FGD6: variants seen among roughly 807,000 people sequenced by gnomAD.
FGD6 encodes the protein FYVE, RhoGEF and PH domain-containing protein 6.
A neutral mutation model predicts 149.4 loss-of-function variants in FGD6; 90 were observed. That is an observed-to-expected ratio of 0.60 (90% CI 0.51 to 0.72). The LOEUF (loss-of-function observed/expected upper bound fraction) is 0.72, where lower values mean the gene tolerates loss of function less well. Among genes scored for constraint, FGD6 ranks in the 30% least tolerant of loss-of-function variants. The pLI is 0.00. For missense variants in FGD6, 1,437 were observed against 1,684.8 expected (o/e 0.85, Z 2.57); for synonymous variants, 527 against 584.0 (o/e 0.90, Z 1.41).
rs60711285 is a variant in FGD6 at position 95,193,546 on chromosome 12, T to TC, written c.2441+15296_2441+15297insG. On this transcript the variant is annotated intron_variant, in intron 2 of 20. Coordinates refer to ENST00000343958, the MANE Select transcript of FGD6 (RefSeq NM_018351.4). ...TTAATTCTTGTTTTTTTTTTTTTTT[T>TC]GAGACGGTGTCTCACTCTGTTGCCC... is the stretch of plus-strand genomic sequence containing the variant. Among the ~76,000 whole-genome samples, 7 of 150,122 alleles carry TC rather than the reference T, an allele frequency of 4.7e-5. No individual in the cohort carries two copies. In the South Asian group the frequency reaches 1.5e-3, roughly 32 times the overall value.
At chr12:95,121,107 AAAAAT>A (rs1301338312) in intron 8 of FGD6, among the ~76,000 whole-genome samples, 2 of 152,138 alleles carry the variant, frequency 1.3e-5, no homozygotes. Context: ...ATGTGCCTCA[AAAAAT>A]AAAATAAATA....
chr12:95,210,751 A>G lies in FGD6; in HGVS notation c.533T>C (p.Val178Ala). 1 of 1,613,992 alleles carries G rather than the reference A, an allele frequency of 6.2e-7. No homozygotes were observed. The highest frequency in any genetic ancestry group is 8.5e-7 in the Non-Finnish European group (1 of 1,180,012). The change falls in exon 2 of 21, where the codon GTT becomes GCT. Residue 178 changes from valine (V) to alanine (A), a missense_variant. By Grantham distance (64) the Val-to-Ala change is moderately conservative. Around this residue, in one of 2 missense-constraint regions of FGD6, gnomAD observed 1,055 missense variants for 1,146.0 expected, o/e 0.92. Coordinates refer to ENST00000343958, the MANE Select transcript of FGD6 (RefSeq NM_018351.4). ...GGCATCTTTGAGCTCCTCTTCTAAAACGCTTGCCTTTAAAACAACCCCACC... is the reference window on the plus strand; with the variant it reads ...GGCATCTTTGAGCTCCTCTTCTAAAGCGCTTGCCTTTAAAACAACCCCACC... ...NQGGVVLKAS[V>A]LEEELKDALI...
chr12:95,165,647 T>C (rs1305869496), intron 3 of FGD6, among the ~76,000 whole-genome samples: 1 of 151,480 alleles, frequency 6.6e-6, no homozygotes, highest in Non-Finnish European at 1.5e-5. Flanking sequence ...CAATTTTGTT[T>C]TTTCCTAAGT....
intron 14 of FGD6, chr12:95,100,839 G>T (rs780919516): frequency 5.1e-6 from 2 of 392,286 alleles, no homozygotes; most frequent in Non-Finnish European, 9.9e-6. Flanking sequence ...TTGCCGTCTT[G>T]TTGGGCATGC....
At chr12:95,082,886 C>A (rs888631316) in intron 20 of FGD6, among the ~76,000 whole-genome samples, 1 of 146,162 alleles carries the variant, frequency 6.8e-6, no homozygotes, top group Admixed American at 7.0e-5. Flanking sequence ...GTGGCTCACA[C>A]CTGTAATTCC....
rs757415670 is a variant in FGD6 at position 95,081,453 on chromosome 12, T to G, written c.*67A>C. ...TGTTCATTTTTATACAATTTTTGAATTGCATTTACTCCATTCTGATGAAAT... is the reference window on the plus strand; with the variant it reads ...TGTTCATTTTTATACAATTTTTGAAGTGCATTTACTCCATTCTGATGAAAT... On this transcript the variant is annotated 3_prime_UTR_variant, in exon 21 of 21. Transcript: ENST00000343958. 1.5e-6 allele frequency: 2 copies of G among 1,351,342 alleles called. No homozygotes were observed. Among genetic ancestry groups the G allele is most frequent in the Admixed American group, 4.2e-5 (2 of 48,180 alleles). 83.7% of individuals were successfully genotyped at this position (1,351,342 alleles called of 1,614,324 possible). A position where few individuals can be genotyped will look rare whatever the true frequency, so the allele number is the denominator to read the frequency against.
intron 2 of FGD6, among the ~76,000 whole-genome samples, chr12:95,180,012 A>AGGTT (rs1010434305): frequency 3.3e-5 from 5 of 150,680 alleles, no homozygotes; most frequent in African/African-American, 1.2e-4. Context: ...TGGGAGGCCA[A>AGGTT]GGTTGCGGTC....
rs181682362 is a variant in FGD6, at chr12:95,115,814, G to A, written c.3083-2113C>T. On this transcript the variant is annotated intron_variant, in intron 8 of 20. Coordinates refer to ENST00000343958, the MANE Select transcript of FGD6 (RefSeq NM_018351.4). ...CAAACATAACAGATGACACAAACAC[G>A]CGCCCAATTGCTGAAACTTCGTAAG... Among the ~76,000 whole-genome samples the A allele has an allele frequency of 3.3e-5, 5 of 152,258 alleles. No individual in the cohort carries two copies. In the East Asian group the frequency reaches 9.7e-4, roughly 29 times the overall value.
In FGD6 at chr12:95,209,418, T is replaced by C; in HGVS notation, c.1866A>G (p.Thr622=). ...EKCTKPCKDS[T]KKNSFKKLLS... ...GCAACTTTTTAAAAGAGTTTTTCTT[T>C]GTAGAGTCTTTGCAAGGCTTAGTGC... is the stretch of plus-strand genomic sequence containing the variant. Residue 622 remains threonine (T), a synonymous_variant, in exon 2 of 21, where the codon ACA becomes ACG. Transcript: ENST00000343958. 6.2e-7 allele frequency: 1 copy of C among 1,613,112 alleles called. No homozygotes were observed. Among genetic ancestry groups the C allele is most frequent in the Non-Finnish European group, 8.5e-7 (1 of 1,179,364 alleles).
intron 8 of FGD6, among the ~76,000 whole-genome samples, chr12:95,122,165 A>C (rs7308047): frequency 0.63 from 96,109 of 152,046 alleles, 30,629 homozygotes; most frequent in East Asian, 0.68. Context: ...CATTTTGACA[A>C]GTAACAATAA....
At chr12:95,163,706 G>A (rs1326054809) in intron 3 of FGD6, among the ~76,000 whole-genome samples, 2 of 152,126 alleles carry the variant, frequency 1.3e-5, no homozygotes, top group South Asian at 4.1e-4. Flanking sequence ...AGAGTAGGAG[G>A]TTGGACTAAA....
At chr12:95,185,745 C>T (rs767148458) in intron 2 of FGD6, among the ~76,000 whole-genome samples, 23 of 152,004 alleles carry the variant, frequency 1.5e-4, no homozygotes, top group Non-Finnish European at 3.2e-4. Flanking sequence ...CCTGTAATCC[C>T]GGCTACTCAG....
chr12:95,109,081 TGCCACATGGAA>T (rs1216866823), intron 9 of FGD6, among the ~76,000 whole-genome samples: 1 of 152,134 alleles, frequency 6.6e-6, no homozygotes, highest in Non-Finnish European at 1.5e-5. Flanking sequence ...ATGGGGGAAA[TGCCACATGGAA>T]GCATCCCAGA....
At chr12:95,152,032 T>C (rs1880323799) in intron 5 of FGD6, among the ~76,000 whole-genome samples, 1 of 152,002 alleles carries the variant, frequency 6.6e-6, no homozygotes, top group South Asian at 2.1e-4. Flanking sequence ...TCTGTTCAAG[T>C]TGACAATTAT....
At chr12:95,118,755 C>T (rs912079179) in intron 8 of FGD6, among the ~76,000 whole-genome samples, 1 of 152,270 alleles carries the variant, frequency 6.6e-6, no homozygotes, top group South Asian at 2.1e-4. Flanking sequence ...ATCAGCAACA[C>T]ATACAGAATT....
At chr12:95,205,735 A>C (rs562313860) in intron 2 of FGD6, among the ~76,000 whole-genome samples, 2 of 152,142 alleles carry the variant, frequency 1.3e-5, no homozygotes, top group African/African-American at 4.8e-5. Context: ...CCTCTATTCA[A>C]TGTTGTTTAC....
At chr12:95,085,213 CTTTT>C (rs34135341) in intron 19 of FGD6, among the ~76,000 whole-genome samples, 2 of 118,100 alleles carry the variant, frequency 1.7e-5, no homozygotes, top group Non-Finnish European at 3.5e-5. Flanking sequence ...ACAGCTCTGC[CTTTT>C]TTTTTTTTTT....
chr12:95,133,190 G>C (rs945628100), intron 8 of FGD6, among the ~76,000 whole-genome samples: 1 of 152,178 alleles, frequency 6.6e-6, no homozygotes, highest in Admixed American at 6.6e-5. Context: ...GGCCAAGGTC[G>C]GCAGATCACT....
In FGD6 at chr12:95,094,635, G is replaced by T; in HGVS notation, c.3557C>A (p.Ala1186Asp). The change falls in exon 15 of 21, where the codon GCC becomes GAC. Residue 1186 changes from alanine (A) to aspartate (D), a missense_variant. Ala to Asp is a moderately radical substitution (Grantham distance 126, BLOSUM62 -2). Coordinates refer to ENST00000343958, the MANE Select transcript of FGD6 (RefSeq NM_018351.4). ...EAISRAIEEY[A>D]KKRITFCPSR... ...AGGACAGAAGGTGATTCTTTTCTTG[G>T]CATACTCTTCTATTGCCCTGGAAAT... The T allele has an allele frequency of 6.2e-7, 1 of 1,613,082 alleles. No individual in the cohort carries two copies. The highest frequency in any genetic ancestry group is 8.5e-7 in the Non-Finnish European group (1 of 1,179,746).
Sources: gnomAD v4.1 joint callset for allele counts (sites outside exome capture counted in the v4.1 genomes callset) on GRCh38, gnomAD v4.1.1 for gene constraint, gnomAD v4.1.1 regional missense constraint, MANE v1.5 for transcripts, NCBI Gene and HGNC (gene_info 2026-07-23, HGNC 2026-07-21) for gene names.